The following LRCH4 variants were observed in gnomAD, a reference collection of about 807,000 sequenced individuals.
LRCH4 encodes leucine rich repeats and calponin homology domain containing 4, also known as leucine-rich repeat and calponin homology domain-containing protein 4.
In LRCH4, 56 loss-of-function variants were observed where a neutral mutation model predicts 81.2. The ratio of observed to expected loss-of-function variants is 0.69; its 90% CI spans 0.56 to 0.86. The LOEUF is 0.86. Ranked by LOEUF, LRCH4 falls within the 40% of genes least tolerant of loss-of-function variation. The pLI, the probability that LRCH4 is intolerant of heterozygous loss-of-function variation, is 0.00. For synonymous variants in LRCH4, 442 were observed against 409.7 expected (o/e 1.08, Z -0.95); for missense variants, 895 against 922.8 (o/e 0.97, Z 0.39).
intron 13 of LRCH4, 46 bp from the exon 14 acceptor site, chr7:100,576,823 G>A (rs1433340099): frequency 6.5e-7 from 1 of 1,538,750 alleles, no homozygotes. Context: ...GGTGAGACAG[G>A]CATCCCCTCT....
In LRCH4 at chr7:100,575,914, C is replaced by A. The variant is rs897151194; in HGVS notation, c.1733G>T (p.Arg578Leu). ...VILCQLANQLRPRSVPFIHVP... is the reference protein window; with the variant it reads ...VILCQLANQLLPRSVPFIHVP... ...ATGGATGAAGGGCACGGAGCGCGGC[C>A]GTAGCTGGTTGGCCAGCTGGCACAG... Residue 578 changes from arginine to leucine, a missense_variant, in exon 16 of 18, where the codon CGG (arginine) becomes CTG (leucine). Physicochemically the swap from Arg to Leu is moderately radical, Grantham distance 102 (BLOSUM62 -2). Around this residue, in one of 3 missense-constraint regions of LRCH4, gnomAD observed 529 missense variants for 504.9 expected, o/e 1.05. Transcript: ENST00000310300. The surrounding 1 kb of genome is among the most constrained non-coding windows in gnomAD (Gnocchi z 5.3). The A allele has an allele frequency of 6.2e-7, 1 of 1,612,656 alleles. No homozygotes were observed. The highest frequency in any genetic ancestry group is 2.2e-5 in the East Asian group (1 of 44,846).
At chr7:100,576,815 T>C in intron 13 of LRCH4, 38 bp from the exon 14 acceptor site, 1 of 1,547,440 alleles carries the variant, frequency 6.5e-7, no homozygotes, top group South Asian at 1.2e-5. Context: ...CAGGGGCAGG[T>C]GAGACAGGCA....
intron 4 of LRCH4, chr7:100,580,905 G>A (rs1801535503): frequency 6.6e-6 from 1 of 151,938 alleles, no homozygotes; most frequent in South Asian, 2.1e-4. Context: ...CATGCACGCA[G>A]ACACAAGACA....
In LRCH4 at chr7:100,578,247, T is replaced by A. The variant is rs1229654658; in HGVS notation, c.860A>T (p.Asp287Val). 1 of 1,614,160 alleles carries A rather than the reference T, an allele frequency of 6.2e-7. No individual in the cohort carries two copies. Residue 287 changes from aspartate to valine, a missense_variant, in exon 7 of 18, where the codon GAT (aspartate) becomes GTT (valine). By Grantham distance (152) the Asp-to-Val change is radical. Around this residue, in one of 3 missense-constraint regions of LRCH4, gnomAD observed 360 missense variants for 397.0 expected, o/e 0.91. Coordinates refer to ENST00000310300, the MANE Select transcript of LRCH4 (RefSeq NM_002319.5). The surrounding 1 kb of genome is among the most constrained non-coding windows in gnomAD (Gnocchi z 5.7). The part of the protein sequence containing the change: ...PPSFSPCPAE[D>V]LFPGHRYDGG... ...ATCGTACCGATGTCCCGGAAATAGATCCTCTGCAGGGCTGGGGCCAGCCAG... is the reference window on the plus strand; with the variant it reads ...ATCGTACCGATGTCCCGGAAATAGAACCTCTGCAGGGCTGGGGCCAGCCAG...
chr7:100,584,206 G>A, intron 1 of LRCH4: 1 of 456,540 alleles, frequency 2.2e-6, no homozygotes, highest in Non-Finnish European at 4.4e-6. Flanking sequence ...GCAGGGTATG[G>A]GCAACTGTAT....
rs141934676 is a variant in LRCH4, at chr7:100,576,296, C to T, written c.1580G>A (p.Arg527Lys). ...SGPSSPDSVL[R>K]PRRYPQVPDE... ...TGGAACCTGGGGGTACCGCCGAGGT[C>T]TCAGGACAGAGTCTGGTGAGGAAGG... The change falls in exon 15 of 18, where the codon AGA becomes AAA. Residue 527 changes from arginine (R) to lysine (K), a missense_variant. By Grantham distance (26) the Arg-to-Lys change is conservative. This residue lies in a region of LRCH4 where 529 missense variants were observed against 504.9 expected (regional missense o/e 1.05). Coordinates refer to ENST00000310300, the MANE Select transcript of LRCH4 (RefSeq NM_002319.5). 2.5e-6 allele frequency: 4 copies of T among 1,613,956 alleles called. No homozygotes were observed. The African/African-American group carries it at 5.3e-5, about 22-fold the overall frequency.
Position 100,574,894 on chromosome 7 carries a change from G to A in LRCH4, c.*213C>T, listed in dbSNP as rs1584401747. The A allele has an allele frequency of 3.7e-6, 2 of 540,140 alleles. No individual in the cohort carries two copies. Among genetic ancestry groups the A allele is most frequent in the African/African-American group, 1.9e-5 (1 of 52,984 alleles). 33.5% of individuals were successfully genotyped at this position (540,140 alleles called of 1,614,324 possible). On this transcript the variant is annotated 3_prime_UTR_variant, in exon 18 of 18. Coordinates refer to ENST00000310300, the MANE Select transcript of LRCH4 (RefSeq NM_002319.5). ...CATGAAGGCACCGTCAGCACTGAGA[G>A]GTGGGGACTCGTGGGGCTACTGGAG...
In LRCH4 at chr7:100,583,909, G is replaced by A. The variant is rs529563126; in HGVS notation, c.221-1450C>T. On this transcript the variant is annotated intron_variant, in intron 1 of 17. Transcript: ENST00000310300. The surrounding 1 kb of genome is among the most constrained non-coding windows in gnomAD (Gnocchi z 4.3). The stretch of plus-strand genomic sequence containing the variant: ...GGTGGCGGGGACAAAAGCTAGGAGC[G>A]GAAGGGAGCTCAGGCAGGAGGCAGG... The A allele has an allele frequency of 4.4e-5, 13 of 298,598 alleles. No homozygotes were observed. Among genetic ancestry groups the A allele is most frequent in the Non-Finnish European group, 8.9e-5 (13 of 146,866 alleles). The allele number at this position is 298,598 out of a possible 1,614,324, so 18.5% of individuals were successfully genotyped here.
rs1348217748 is a variant in LRCH4, at chr7:100,574,628, G to GCACCCACACACACACACA, written c.*478_*479insTGTGTGTGTGTGTGGGTG. On this transcript the variant is annotated 3_prime_UTR_variant, in exon 18 of 18. Transcript: ENST00000310300. The stretch of plus-strand genomic sequence containing the variant: ...CAACACGCGGAGCAGACGCGCGCGC[G>GCACCCACACACACACACA]CGCGCACACACACACACACAGGCAG... The GCACCCACACACACACACA allele has an allele frequency of 7.5e-6, 1 of 134,178 alleles. No homozygotes were observed. Among genetic ancestry groups the GCACCCACACACACACACA allele is most frequent in the African/African-American group, 3.1e-5 (1 of 32,572 alleles). The allele number at this position is 134,178 out of a possible 1,614,324, so 8.3% of individuals were successfully genotyped here.
chr7:100,575,970 G>C lies in LRCH4; in HGVS notation c.1677C>G (p.Asp559Glu). The change falls in exon 16 of 18, where the codon GAC becomes GAG. Residue 559 changes from aspartate to glutamate, a missense_variant. Asp to Glu is a conservative substitution (Grantham distance 45). Around this residue, in one of 3 missense-constraint regions of LRCH4, gnomAD observed 529 missense variants for 504.9 expected, o/e 1.05. Transcript: ENST00000310300. This position sits in a 1 kb window ranked among gnomAD's most constrained non-coding sequence, Gnocchi z 5.3. ...ESRLQRPLPE[D>E]LAEALASGVI... Reference sequence around the variant, plus strand: ...CCCCACTGGCCAGAGCCTCGGCCAGGTCCTCAGGCAGGGGCCGCTGCAGCC... The same window carrying C: ...CCCCACTGGCCAGAGCCTCGGCCAGCTCCTCAGGCAGGGGCCGCTGCAGCC... 6.2e-7 allele frequency: 1 copy of C among 1,608,982 alleles called. No individual in the cohort carries two copies. The highest frequency in any genetic ancestry group is 1.1e-5 in the South Asian group (1 of 90,796).
rs778638602 is a variant in LRCH4, at chr7:100,577,173, G to C, written c.1296-19C>G. 4 of 1,613,508 alleles carry C rather than the reference G, an allele frequency of 2.5e-6. No individual in the cohort carries two copies. The highest frequency in any genetic ancestry group is 2.5e-6 in the Non-Finnish European group (3 of 1,179,996). On this transcript the variant is annotated intron_variant, in intron 11 of 17. Coordinates refer to ENST00000310300, the MANE Select transcript of LRCH4 (RefSeq NM_002319.5). The surrounding 1 kb of genome is among the most constrained non-coding windows in gnomAD (Gnocchi z 6.7). ...CAAGAGGCTGGAACAAGGAGAGGTG[G>C]GGTCAGCTAGCCCCAAGGCAGAACG...
rs1459914150 is a variant in LRCH4 at position 100,574,772 on chromosome 7, G to T, written c.*335C>A. ...ATAATTTAGCCCCCCCATAGCAGCTGTTGGGGGGGGAAGGGGAGGGCACAG... is the reference window on the plus strand; with the variant it reads ...ATAATTTAGCCCCCCCATAGCAGCTTTTGGGGGGGGAAGGGGAGGGCACAG... On this transcript the variant is annotated 3_prime_UTR_variant, in exon 18 of 18. Coordinates refer to ENST00000310300, the MANE Select transcript of LRCH4 (RefSeq NM_002319.5). 6.9e-6 allele frequency: 2 copies of T among 289,846 alleles called. No homozygotes were observed. The highest frequency in any genetic ancestry group is 4.3e-5 in the African/African-American group (2 of 46,698). The allele number at this position is 289,846 out of a possible 1,614,324, so 18.0% of individuals were successfully genotyped here.
At position 100,575,275 on chromosome 7, in the gene LRCH4, G is replaced by T; in HGVS notation, c.1884C>A (p.Leu628=). The stretch of plus-strand genomic sequence containing the variant: ...TCCGCAGCCCCCGGGCAGTGCCCTG[G>T]AGGAGATCCGAGGGCGAGCACAGGT... ...EADLCSPSDL[L]QGTARGLRTA... The change falls in exon 18 of 18, where the codon CTC becomes CTA. Residue 628 remains leucine (L), a synonymous_variant. Transcript: ENST00000310300. This position sits in a 1 kb window ranked among gnomAD's most constrained non-coding sequence, Gnocchi z 5.3. 6.4e-7 allele frequency: 1 copy of T among 1,564,644 alleles called. No individual in the cohort carries two copies. Among genetic ancestry groups the T allele is most frequent in the East Asian group, 2.3e-5 (1 of 42,662 alleles).
Position 100,586,035 on chromosome 7 carries a change from C to A in LRCH4, c.66G>T (p.Val22=). 6.3e-7 allele frequency: 1 copy of A among 1,597,778 alleles called. No individual in the cohort carries two copies. The highest frequency in any genetic ancestry group is 8.5e-7 in the Non-Finnish European group (1 of 1,172,772). Residue 22 remains valine (V), a synonymous_variant, in exon 1 of 18, where the codon GTG becomes GTT. Transcript: ENST00000310300. Reference sequence around the variant, plus strand: ...TCCCCGGCAGACCTGGAGACCCGGGCACGGAGGTCGTGGCTGCCGCCTCCT... The same window carrying A: ...TCCCCGGCAGACCTGGAGACCCGGGAACGGAGGTCGTGGCTGCCGCCTCCT... ...GGEEAAATTS[V]PGSPGLPGRR...
intron 4 of LRCH4, 64 bp downstream of exon 4, chr7:100,581,713 C>T (rs770819193): frequency 3.7e-5 from 54 of 1,442,734 alleles, no homozygotes; most frequent in Non-Finnish European, 5.0e-5. Flanking sequence ...TTTTCGTTAC[C>T]GCAGCCTGAG....
At position 100,575,424 on chromosome 7, in the gene LRCH4, G is replaced by A. The variant is rs571982837; in HGVS notation, c.1855-120C>T. The A allele has an allele frequency of 8.6e-5, 84 of 982,436 alleles. No individual in the cohort carries two copies. The highest frequency in any genetic ancestry group is 5.8e-4 in the African/African-American group (36 of 62,526). 60.9% of individuals were successfully genotyped at this position (982,436 alleles called of 1,614,324 possible). On this transcript the variant is annotated intron_variant, in intron 17 of 17. Coordinates refer to ENST00000310300, the MANE Select transcript of LRCH4 (RefSeq NM_002319.5). The surrounding 1 kb of genome is among the most constrained non-coding windows in gnomAD (Gnocchi z 5.3). ...GCCAGAACCACGCCCACATGCTGAC[G>A]TGCTGGGCAGGGGGAGTGCAGTGCA...
rs1469441667 is a variant in LRCH4, at chr7:100,577,945, C to CA, written c.949-34_949-33insT. 1 of 1,571,966 alleles carries CA rather than the reference C, an allele frequency of 6.4e-7. No individual in the cohort carries two copies. The highest frequency in any genetic ancestry group is 1.7e-5 in the Admixed American group (1 of 59,610). On this transcript the variant is annotated intron_variant, in intron 7 of 17. Transcript: ENST00000310300. The surrounding 1 kb of genome is among the most constrained non-coding windows in gnomAD (Gnocchi z 6.7). ...GGCAGAGGCAGAGATGGGAGATGGC[C>CA]TCTCTGTACATGGGGGCTCAGGACC...
At position 100,577,319 on chromosome 7, in the gene LRCH4, G is replaced by T; in HGVS notation, c.1249C>A (p.Arg417=). Residue 417 remains arginine (R), a synonymous_variant, in exon 11 of 18, where the codon CGG becomes AGG. Coordinates refer to ENST00000310300, the MANE Select transcript of LRCH4 (RefSeq NM_002319.5). The surrounding 1 kb of genome is among the most constrained non-coding windows in gnomAD (Gnocchi z 6.7). The stretch of plus-strand genomic sequence containing the variant: ...CACGCCCCGCTCTGCTGCTGCTGCC[G>T]CCGTTCCCGCTCCTGCCACAGCTGC... ...TLQLWQERER[R]QQQQSGAWGA... 1 of 1,597,604 alleles carries T rather than the reference G, an allele frequency of 6.3e-7. No homozygotes were observed. Among genetic ancestry groups the T allele is most frequent in the Non-Finnish European group, 8.5e-7 (1 of 1,178,414 alleles).
intron 14 of LRCH4, 161 bp downstream of exon 14, chr7:100,576,533 C>G: frequency 1.4e-6 from 1 of 706,528 alleles, no homozygotes; most frequent in Admixed American, 2.7e-5. Flanking sequence ...TAAAGTGCTG[C>G]GATTACAGGT....
Sources: allele counts gnomAD v4.1 joint callset, GRCh38; gene constraint gnomAD v4.1.1; regional missense constraint gnomAD v4.1.1; non-coding constraint Gnocchi (gnomAD v3.1); transcripts MANE v1.5; gene names NCBI Gene and HGNC (gene_info 2026-07-23, HGNC 2026-07-21).